CSMD2: variants seen among roughly 807,000 people sequenced by gnomAD.
CSMD2 encodes CUB and sushi domain-containing protein 2.
Under a neutral mutation model 398.5 loss-of-function variants are expected in CSMD2, and 130 were observed. The observed-to-expected ratio is 0.33, with a 90% CI of 0.28 to 0.38. The LOEUF (loss-of-function observed/expected upper bound fraction) is 0.38, where lower values mean the gene tolerates loss of function less well. Among genes scored for constraint, CSMD2 ranks in the 10% least tolerant of loss-of-function variants. The probability of loss-of-function intolerance (pLI) is 1.00; values close to 1 mark genes in which losing one functional copy is unlikely to be tolerated. For synonymous variants in CSMD2, 1,828 were observed against 1,908.5 expected, an observed-to-expected ratio of 0.96 and a Z score of 1.10; for missense variants, 3,829 against 4,764.9, an observed-to-expected ratio of 0.80 and a Z score of 5.78.
rs1285965389 is a variant in CSMD2, at chr1:34,135,239, AAATC to A, written c.187+29668_187+29671del. Among the ~76,000 whole-genome samples, 7 of 99,746 alleles carry A rather than the reference AAATC, an allele frequency of 7.0e-5. No homozygotes were observed. The Admixed American group carries it at 7.4e-4, about 10-fold the overall frequency. The allele number at this position is 99,746 out of a possible 152,430, so 65.4% of individuals were successfully genotyped here. ...TCTATAGACATCTGCCCTCATGTTG[AAATC>A]ACACACACACACACACACACACACA... On this transcript the variant is annotated intron_variant, in intron 1 of 70. Transcript: ENST00000373381.
intron 49 of CSMD2, among the ~76,000 whole-genome samples, chr1:33,574,883 A>G (rs35853364): frequency 0.2 from 29,832 of 152,186 alleles, 3,233 homozygotes; most frequent in African/African-American, 0.29. Context: ...CAGCTTCCTT[A>G]AATCCTTTGG....
intron 5 of CSMD2, among the ~76,000 whole-genome samples, chr1:33,859,005 T>C (rs1038416744): frequency 5.9e-5 from 9 of 152,228 alleles, no homozygotes; most frequent in Non-Finnish European, 1.3e-4. Flanking sequence ...TGCCGTGGTA[T>C]AAAACTTTCA....
chr1:33,796,784 T>G (rs963768098), intron 10 of CSMD2, among the ~76,000 whole-genome samples: 3 of 152,182 alleles, frequency 2.0e-5, no homozygotes, highest in African/African-American at 7.2e-5. Context: ...TATAAATGGA[T>G]GTGCAAGTAG....
rs1220080438 is a variant in CSMD2, at chr1:33,967,165, T to C, written c.518-31211A>G. Among the ~76,000 whole-genome samples, 3 of 152,110 alleles carry C rather than the reference T, an allele frequency of 2.0e-5. No homozygotes were observed. The East Asian group carries it at 5.8e-4, about 29-fold the overall frequency. On this transcript the variant is annotated intron_variant, in intron 3 of 70. Transcript: ENST00000373381. The stretch of plus-strand genomic sequence containing the variant: ...TTTTAGTGGAGAATTGATTTTAATA[T>C]TTTATAAATGGCTTTGATCTCATAT...
At chr1:33,931,951 C>A (rs558566718) in intron 4 of CSMD2, among the ~76,000 whole-genome samples, 1 of 152,070 alleles carries the variant, frequency 6.6e-6, no homozygotes, top group Non-Finnish European at 1.5e-5. Flanking sequence ...AAGTGAGAGA[C>A]GAGAGAGCCT....
intron 37 of CSMD2, among the ~76,000 whole-genome samples, 178 bp from the exon 38 acceptor site, chr1:33,617,795 G>C (rs769598439): frequency 6.6e-6 from 1 of 152,140 alleles, no homozygotes; most frequent in Non-Finnish European, 1.5e-5. Context: ...CAGAGAAAAA[G>C]AGTATATTTA....
At chr1:33,757,350 C>G (rs1463226630) in intron 13 of CSMD2, among the ~76,000 whole-genome samples, 1 of 152,082 alleles carries the variant, frequency 6.6e-6, no homozygotes, top group Non-Finnish European at 1.5e-5. Context: ...TTTGTCACAG[C>G]AACTTAAAAC....
chr1:33,878,195 A>G (rs1446493828), intron 5 of CSMD2: 2 of 152,270 alleles, frequency 1.3e-5, no homozygotes, highest in Admixed American at 6.5e-5. Flanking sequence ...TGAGGCCGTT[A>G]CTGCAAACAA....
chr1:34,082,546 GCCCGTCCACCAC>G (rs1377205289), intron 2 of CSMD2, among the ~76,000 whole-genome samples: 1 of 152,138 alleles, frequency 6.6e-6, no homozygotes, highest in Admixed American at 6.5e-5. Context: ...GGGCCCCTCT[GCCCGTCCACCAC>G]CCCGTCTGGG....
At chr1:33,663,924 A>G (rs538739486) in intron 25 of CSMD2, among the ~76,000 whole-genome samples, 134 of 152,358 alleles carry the variant, frequency 8.8e-4, no homozygotes, top group African/African-American at 2.9e-3. Context: ...TATTGCTAAC[A>G]TCTTACATTT....
chr1:33,933,192 G>C (rs1033854097), intron 4 of CSMD2, among the ~76,000 whole-genome samples: 1 of 152,174 alleles, frequency 6.6e-6, no homozygotes. Flanking sequence ...TTGTCTTTTG[G>C]AGAAGTAGGG....
At chr1:33,739,448 G>T in intron 14 of CSMD2, 114 bp from the exon 15 acceptor site, 1 of 1,004,948 alleles carries the variant, frequency 1.0e-6, no homozygotes, top group Non-Finnish European at 1.4e-6. Context: ...ACCTCCCCAA[G>T]AACTTGCCAT....
At chr1:34,138,362 A>G (rs1473838572) in intron 1 of CSMD2, among the ~76,000 whole-genome samples, 1 of 152,202 alleles carries the variant, frequency 6.6e-6, no homozygotes, top group African/African-American at 2.4e-5. Flanking sequence ...TATGTTTGCA[A>G]ATATGTAGAA....
At chr1:34,003,175 C>T (rs1646953443) in intron 3 of CSMD2, among the ~76,000 whole-genome samples, 1 of 152,162 alleles carries the variant, frequency 6.6e-6, no homozygotes, top group Non-Finnish European at 1.5e-5. Context: ...CCATCCATGC[C>T]CAAGTCCCAG....
chr1:33,688,526 T>TA (rs527903138), intron 25 of CSMD2, among the ~76,000 whole-genome samples: 25 of 152,282 alleles, frequency 1.6e-4, no homozygotes, highest in African/African-American at 6.0e-4. Context: ...TTTTGAATTT[T>TA]AAAAAAATGA....
In CSMD2 at chr1:33,739,159, G is replaced by C. The variant is rs763984340; in HGVS notation, c.2349C>G (p.Ser783Arg). The C allele has an allele frequency of 1.2e-6, 2 of 1,613,738 alleles. No homozygotes were observed. Among genetic ancestry groups the C allele is most frequent in the Admixed American group, 3.3e-5 (2 of 59,960 alleles). Residue 783 changes from serine to arginine, a missense_variant, in exon 15 of 71, where the codon AGC becomes AGG. Transcript: ENST00000373381. Reference protein sequence around the residue: ...VLKEGSVVWNSAVLRCEAPCG... With the variant: ...VLKEGSVVWNRAVLRCEAPCG... ...TCGTACCTTCACACCGCAGCACAGC[G>C]CTGTTCCAGACCACGCTGCCCTCCT...
rs1472018238 is a variant in CSMD2, at chr1:34,010,917, G to A, written c.517+21677C>T. On this transcript the variant is annotated intron_variant, in intron 3 of 70. Transcript: ENST00000373381. ...TGGGATTAGAGGCATGAGCCACCGC[G>A]CCTGGCCAGTGATTTGTTTTTGAGC... 3.9e-5 allele frequency among the ~76,000 whole-genome samples: 6 copies of A among 152,288 alleles called. No individual in the cohort carries two copies. The East Asian group carries it at 9.7e-4, about 25-fold the overall frequency.
chr1:33,577,508 G>T (rs773670035), intron 48 of CSMD2, 24 bp from the exon 49 acceptor site: 1 of 1,583,762 alleles, frequency 6.3e-7, no homozygotes, highest in African/African-American at 1.3e-5. Flanking sequence ...TGAGGTTCAG[G>T]GAACTGGCAC....
chr1:33,782,834 G>A (rs1186808241), intron 12 of CSMD2, among the ~76,000 whole-genome samples: 1 of 152,136 alleles, frequency 6.6e-6, no homozygotes, highest in African/African-American at 2.4e-5. Flanking sequence ...CGGATGTCAT[G>A]TAGAAAACGT....
Sources: gnomAD v4.1 joint callset for allele counts (sites outside exome capture counted in the v4.1 genomes callset) on GRCh38, gnomAD v4.1.1 for gene constraint, MANE v1.5 for transcripts, NCBI Gene and HGNC (gene_info 2026-07-23, HGNC 2026-07-21) for gene names.